TNR: variants seen among roughly 807,000 people sequenced by gnomAD.
TNR encodes the protein tenascin R.
TNR carries 45 observed loss-of-function variants against 150.4 expected under a neutral mutation model. The ratio of observed to expected loss-of-function variants is 0.30; its 90% CI spans 0.24 to 0.38. The LOEUF is 0.38. Among genes scored for constraint, TNR ranks in the 10% least tolerant of loss-of-function variants. The pLI is 1.00. For synonymous variants in TNR, 687 were observed against 678.4 expected (o/e 1.01, Z -0.20); for missense variants, 1,544 against 1,759.1 (o/e 0.88, Z 2.19).
intron 1 of TNR, among the ~76,000 whole-genome samples, chr1:175,630,413 T>TTATTTGA (rs1445773037): frequency 6.6e-6 from 1 of 152,224 alleles, no homozygotes; most frequent in African/African-American, 2.4e-5. Flanking sequence ...TGTTGTTCAG[T>TTATTTGA]TATTTGATAA....
chr1:175,387,867 G>A (rs1461370059), intron 7 of TNR, among the ~76,000 whole-genome samples: 1 of 152,098 alleles, frequency 6.6e-6, no homozygotes, highest in Non-Finnish European at 1.5e-5. Context: ...CCCTCTTTCC[G>A]GGTCTTAGCC....
chr1:175,446,985 T>C (rs983793406), intron 2 of TNR, among the ~76,000 whole-genome samples: 1 of 152,240 alleles, frequency 6.6e-6, no homozygotes, highest in Non-Finnish European at 1.5e-5. Context: ...TAATCATGTG[T>C]ATGGGCATAT....
At chr1:175,438,950 C>T (rs1655647795) in intron 2 of TNR, among the ~76,000 whole-genome samples, 1 of 152,042 alleles carries the variant, frequency 6.6e-6, no homozygotes, top group Non-Finnish European at 1.5e-5. Flanking sequence ...CCATACTGCC[C>T]AAGGTAATTT....
chr1:175,550,742 A>G (rs986943160), intron 1 of TNR, among the ~76,000 whole-genome samples: 3 of 152,130 alleles, frequency 2.0e-5, no homozygotes, highest in Non-Finnish European at 2.9e-5. Context: ...ATCAAAACAA[A>G]GAAGAAAATG....
At chr1:175,695,270 C>G (rs1409222655) in intron 1 of TNR, among the ~76,000 whole-genome samples, 3 of 152,202 alleles carry the variant, frequency 2.0e-5, no homozygotes, top group Non-Finnish European at 4.4e-5. Flanking sequence ...ATGGTGAGGA[C>G]TGAAGCCTCC....
intron 8 of TNR, among the ~76,000 whole-genome samples, chr1:175,385,711 G>T (rs1652882956): frequency 6.6e-6 from 1 of 152,192 alleles, no homozygotes; most frequent in Non-Finnish European, 1.5e-5. Flanking sequence ...TAGCGATATG[G>T]ATGCTTACAT....
At chr1:175,692,513 C>T (rs547316088) in intron 1 of TNR, among the ~76,000 whole-genome samples, 6 of 152,320 alleles carry the variant, frequency 3.9e-5, no homozygotes, top group Non-Finnish European at 8.8e-5. Flanking sequence ...CTGAAATTTG[C>T]ACACTTGAAG....
chr1:175,662,389 C>G (rs189144187), intron 1 of TNR, among the ~76,000 whole-genome samples: 4 of 152,136 alleles, frequency 2.6e-5, no homozygotes, highest in African/African-American at 9.6e-5. Context: ...TGAGCAGCCC[C>G]TTCTCACAAT....
At chr1:175,520,955 C>T (rs988081253) in intron 2 of TNR, among the ~76,000 whole-genome samples, 1 of 152,170 alleles carries the variant, frequency 6.6e-6, no homozygotes, top group Non-Finnish European at 1.5e-5. Context: ...CAGAGGACAC[C>T]TACCTTTCTG....
At chr1:175,571,923 T>A (rs746615858) in intron 1 of TNR, among the ~76,000 whole-genome samples, 116 of 152,294 alleles carry the variant, frequency 7.6e-4, no homozygotes, top group Non-Finnish European at 1.3e-3. Context: ...GTATGCATGC[T>A]TTCCATGGAA....
At chr1:175,447,245 G>C (rs1018117281) in intron 2 of TNR, among the ~76,000 whole-genome samples, 4 of 152,120 alleles carry the variant, frequency 2.6e-5, no homozygotes, top group Non-Finnish European at 5.9e-5. Flanking sequence ...GAGGGGAGAG[G>C]CCTGGTCCCT....
chr1:175,655,411 T>C (rs1463506619), intron 1 of TNR, among the ~76,000 whole-genome samples: 4 of 152,220 alleles, frequency 2.6e-5, no homozygotes, highest in African/African-American at 9.6e-5. Flanking sequence ...AGCATTATCC[T>C]CAGTCTGCAG....
At chr1:175,384,109 T>C (rs981948593) in intron 8 of TNR, among the ~76,000 whole-genome samples, 2 of 152,168 alleles carry the variant, frequency 1.3e-5, no homozygotes, top group Non-Finnish European at 2.9e-5. Flanking sequence ...GCTCAAGAGC[T>C]CTCCTCTCCT....
intron 2 of TNR, among the ~76,000 whole-genome samples, chr1:175,480,469 A>G (rs1330220741): frequency 2.1e-5 from 3 of 145,292 alleles, no homozygotes; most frequent in Non-Finnish European, 4.5e-5. Flanking sequence ...AAAGAAAAAA[A>G]GAAAAGAAAA....
intron 1 of TNR, among the ~76,000 whole-genome samples, chr1:175,708,936 C>A (rs1325539414): frequency 6.6e-6 from 1 of 152,144 alleles, no homozygotes; most frequent in Non-Finnish European, 1.5e-5. Context: ...CTCATAGAGA[C>A]ATGAGATATA....
At chr1:175,561,957 C>T (rs1371771181) in intron 1 of TNR, among the ~76,000 whole-genome samples, 1 of 152,158 alleles carries the variant, frequency 6.6e-6, no homozygotes, top group Non-Finnish European at 1.5e-5. Flanking sequence ...CCTCACATAT[C>T]ACAAGCTCTT....
chr1:175,369,208 C>T (rs776243143), intron 9 of TNR, among the ~76,000 whole-genome samples: 2 of 152,208 alleles, frequency 1.3e-5, no homozygotes, highest in African/African-American at 4.8e-5. Context: ...TCTCCATCTA[C>T]ATTAGCTTCC....
At chr1:175,545,602 A>G (rs943303504) in intron 1 of TNR, among the ~76,000 whole-genome samples, 15 of 152,294 alleles carry the variant, frequency 9.8e-5, no homozygotes, top group African/African-American at 3.4e-4. Context: ...GATAGCAAAC[A>G]CATAGTGCTC....
chr1:175,737,599 G>A (rs1038917113), intron 1 of TNR, among the ~76,000 whole-genome samples: 1 of 152,160 alleles, frequency 6.6e-6, no homozygotes, highest in Non-Finnish European at 1.5e-5. Context: ...TAATGTCCTA[G>A]GACCAATGTT....
Sources: allele counts gnomAD v4.1 joint callset (sites outside exome capture counted in the v4.1 genomes callset), GRCh38; gene constraint gnomAD v4.1.1; transcripts MANE v1.5; gene names NCBI Gene and HGNC (gene_info 2026-07-23, HGNC 2026-07-21).